Variants in AIMP2 observed in about 807,000 individuals in gnomAD.
The protein encoded by AIMP2 is aminoacyl tRNA synthase complex-interacting multifunctional protein 2.
A neutral mutation model predicts 23.4 loss-of-function variants in AIMP2; 20 were observed. The ratio of observed to expected loss-of-function variants is 0.85; its 90% CI spans 0.60 to 1.24. The LOEUF (loss-of-function observed/expected upper bound fraction) is 1.24. Among genes scored for constraint, AIMP2 ranks in the 50% most tolerant of loss-of-function variants. The pLI is 0.00. For missense variants in AIMP2, 515 were observed against 414.5 expected (o/e 1.24, Z -2.10); for synonymous variants, 210 against 170.4 (o/e 1.23, Z -1.81).
At chr7:6,015,577 C>A (rs1056717401) in intron 2 of AIMP2, among the ~76,000 whole-genome samples, 6 of 151,678 alleles carry the variant, frequency 4.0e-5, no homozygotes, top group African/African-American at 1.5e-4. Context: ...ACAAAAAATT[C>A]GCCGGGCGTG....
intron 2 of AIMP2, among the ~76,000 whole-genome samples, chr7:6,016,418 C>G (rs765583288): frequency 6.6e-6 from 1 of 152,184 alleles, no homozygotes; most frequent in Non-Finnish European, 1.5e-5. Context: ...GTGTCTCACC[C>G]AGGGCTGGGA....
intron 3 of AIMP2, among the ~76,000 whole-genome samples, chr7:6,020,841 GGCTAA>G (rs1404657851): frequency 3.5e-4 from 54 of 152,250 alleles, no homozygotes; most frequent in African/African-American, 1.2e-3. Context: ...AGGCACGCAG[GGCTAA>G]GCTAACTGTC....
intron 1 of AIMP2, 100 bp downstream of exon 1, chr7:6,009,598 GC>G: frequency 1.9e-6 from 2 of 1,065,706 alleles, no homozygotes; most frequent in Non-Finnish European, 2.5e-6. Flanking sequence ...CCGGTTCACG[GC>G]CCCACCCCGG....
At chr7:6,010,019 G>A (rs1209671124) in intron 1 of AIMP2, among the ~76,000 whole-genome samples, 1 of 131,732 alleles carries the variant, frequency 7.6e-6, no homozygotes, top group East Asian at 2.4e-4. Context: ...GTCGGGCGCG[G>A]TGGTTCACGC....
chr7:6,022,609 G>C (rs1266467389), intron 3 of AIMP2: 4 of 152,248 alleles, frequency 2.6e-5, no homozygotes, highest in Non-Finnish European at 5.9e-5. Context: ...TCTAGAGGAG[G>C]AGCAGAGATG....
At chr7:6,022,697 G>C (rs1369833080) in intron 3 of AIMP2, 1 of 152,342 alleles carries the variant, frequency 6.6e-6, no homozygotes, top group Non-Finnish European at 1.5e-5. Flanking sequence ...GGGGGACTGT[G>C]AGCATTTGGG....
chr7:6,013,565 G>C (rs1338125204), intron 1 of AIMP2, among the ~76,000 whole-genome samples: 8 of 152,070 alleles, frequency 5.3e-5, no homozygotes, highest in Admixed American at 3.9e-4. Flanking sequence ...CCAGCCTTGA[G>C]TTTCTTTTTA....
chr7:6,020,805 A>T (rs1787347851), intron 3 of AIMP2, among the ~76,000 whole-genome samples: 1 of 152,188 alleles, frequency 6.6e-6, no homozygotes, highest in African/African-American at 2.4e-5. Flanking sequence ...TATTAAGTAA[A>T]GAAGGGAAGT....
intron 2 of AIMP2, among the ~76,000 whole-genome samples, 178 bp from the exon 3 acceptor site, chr7:6,017,636 G>A (rs925868872): frequency 1.4e-4 from 21 of 152,074 alleles, no homozygotes; most frequent in Admixed American, 1.1e-3. Context: ...GCTCCACTCC[G>A]TCCTGAGCGA....
At chr7:6,009,574 C>T (rs2128870168) in intron 1 of AIMP2, 76 bp downstream of exon 1, 1 of 1,312,778 alleles carries the variant, frequency 7.6e-7, no homozygotes, top group Non-Finnish European at 9.8e-7. Flanking sequence ...CAGGCCGGAG[C>T]GAGCGCGTCC....
intron 3 of AIMP2, among the ~76,000 whole-genome samples, chr7:6,019,065 CATT>C (rs1178907305): frequency 1.3e-5 from 2 of 151,814 alleles, no homozygotes; most frequent in African/African-American, 4.8e-5. Context: ...AACTGCGTAA[CATT>C]AATTGTGGAA....
intron 3 of AIMP2, among the ~76,000 whole-genome samples, chr7:6,020,027 A>C (rs1353586325): frequency 5.4e-5 from 8 of 149,246 alleles, no homozygotes; most frequent in Non-Finnish European, 1.0e-4. Flanking sequence ...TCTCAAAAAA[A>C]AAAAAAAAAA....
At chr7:6,018,489 T>G (rs1192732336) in intron 3 of AIMP2, among the ~76,000 whole-genome samples, 1 of 151,800 alleles carries the variant, frequency 6.6e-6, no homozygotes, top group African/African-American at 2.4e-5. Flanking sequence ...GAAAATTTTT[T>G]GGAGATTTGC....
chr7:6,018,011 C>G lies in AIMP2; in HGVS notation c.540C>G (p.Asp180Glu), dbSNP rs981257367. 2 of 1,613,930 alleles carry G rather than the reference C, an allele frequency of 1.2e-6. No individual in the cohort carries two copies. Among genetic ancestry groups the G allele is most frequent in the Non-Finnish European group, 1.7e-6 (2 of 1,180,020 alleles). ...GEQNKKQPRQ[D>E]YQLGFTLIWK... ...AGAATAAAAAACAGCCCCGCCAAGA[C>G]TATCAGCTGGGATTCACTTTAATTT... is the stretch of plus-strand genomic sequence containing the variant. Residue 180 changes from aspartate to glutamate, a missense_variant, in exon 3 of 4, where the codon GAC becomes GAG. Asp to Glu is a conservative substitution (Grantham distance 45, BLOSUM62 2). Transcript: ENST00000223029.
intron 1 of AIMP2, among the ~76,000 whole-genome samples, chr7:6,011,685 A>G (rs1341668556): frequency 6.6e-6 from 1 of 152,252 alleles, no homozygotes. Context: ...AGACAGAAAT[A>G]GCAGACATAG....
chr7:6,015,761 C>CAG (rs1562725488), intron 2 of AIMP2, among the ~76,000 whole-genome samples: 2 of 152,214 alleles, frequency 1.3e-5, no homozygotes, highest in African/African-American at 4.8e-5. Flanking sequence ...TTTTCAAAGG[C>CAG]AGAGCCAAGA....
intron 2 of AIMP2, among the ~76,000 whole-genome samples, chr7:6,015,593 G>A (rs1458279842): frequency 3.3e-5 from 5 of 152,128 alleles, no homozygotes; most frequent in African/African-American, 7.2e-5. Flanking sequence ...GCGTGGTGGC[G>A]GGCACCTGTA....
chr7:6,012,705 GC>G, intron 1 of AIMP2: 5 of 484,434 alleles, frequency 1.0e-5, no homozygotes, highest in South Asian at 1.9e-5. Context: ...GATTACAGGT[GC>G]CCCCCACCAA....
intron 3 of AIMP2, among the ~76,000 whole-genome samples, chr7:6,021,572 G>C (rs1787420467): frequency 6.6e-6 from 1 of 152,096 alleles, no homozygotes; most frequent in Non-Finnish European, 1.5e-5. Context: ...GTGGTGAAGA[G>C]TTTCAGGGTA....
Sources: allele counts gnomAD v4.1 joint callset (sites outside exome capture counted in the v4.1 genomes callset), GRCh38; gene constraint gnomAD v4.1.1; transcripts MANE v1.5; gene names NCBI Gene and HGNC (gene_info 2026-07-23, HGNC 2026-07-21).